The following POLR2C variants were observed in gnomAD, a reference collection of about 807,000 sequenced individuals.
POLR2C encodes DNA-directed RNA polymerase II subunit RPB3.
A neutral mutation model predicts 41.7 loss-of-function variants in POLR2C; 36 were observed. The ratio of observed to expected loss-of-function variants is 0.86; its 90% confidence interval spans 0.66 to 1.14. The LOEUF (loss-of-function observed/expected upper bound fraction) is 1.14. Among genes scored for constraint, POLR2C ranks in the 50% most tolerant of loss-of-function variants. The pLI is 0.00. For synonymous variants in POLR2C, 133 were observed against 137.8 expected (o/e 0.96, Z 0.25); for missense variants, 260 against 350.4 (o/e 0.74, Z 2.06).
At position 57,471,123 on chromosome 16, in the gene POLR2C, C is replaced by A; in HGVS notation, c.*4C>A. On this transcript the variant is annotated 3_prime_UTR_variant, in exon 9 of 9. Coordinates refer to ENST00000219252, the MANE Select transcript of POLR2C (RefSeq NM_032940.3). ...TGATGTGCTAACCATAAATTAACTG[C>A]AGCTTGCCTGCTTCAGCAAAAACGG... 6.2e-7 allele frequency: 1 copy of A among 1,613,044 alleles called. No homozygotes were observed.
Position 57,469,890 on chromosome 16 carries a change from G to A in POLR2C, c.440-71G>A, listed in dbSNP as rs1420721505. The A allele has an allele frequency of 6.3e-7, 1 of 1,591,894 alleles. No homozygotes were observed. The highest frequency in any genetic ancestry group is 2.2e-5 in the East Asian group (1 of 44,748). On this transcript the variant is annotated intron_variant, in intron 6 of 8. Coordinates refer to ENST00000219252, the MANE Select transcript of POLR2C (RefSeq NM_032940.3). This position sits in a 1 kb window ranked among gnomAD's most constrained non-coding sequence, Gnocchi z 5.8. ...TTCCAGATGTGTGTGGTCTTGCAGT[G>A]GCACTCCAAGTCAGAATTTGGAGAA...
At chr16:57,464,064 T>C (rs2030646323) in intron 2 of POLR2C, 1 of 160,330 alleles carries the variant, frequency 6.2e-6, no homozygotes, top group Non-Finnish European at 1.4e-5. Flanking sequence ...GGGCAAGTTA[T>C]TAAACTTCTG....
chr16:57,469,324 G>A lies in POLR2C; in HGVS notation c.387+31G>A. On this transcript the variant is annotated intron_variant, in intron 5 of 8. Transcript: ENST00000219252. The surrounding 1 kb of genome is among the most constrained non-coding windows in gnomAD (Gnocchi z 5.8). ...TGCGGGAGAGCATCCTCTTTTCCCT[G>A]GGATCTTTTCTCTTCTCTGGCTGGC... The A allele has an allele frequency of 6.2e-7, 1 of 1,611,694 alleles. No individual in the cohort carries two copies.
In POLR2C at chr16:57,469,704, C is replaced by A. The variant is rs202100883; in HGVS notation, c.388-6C>A. ...AGCTAATGAATGCCTGGTGGACTCC[C>A]TACAGGTGACATCCCGGAACCGAGA... On this transcript the variant is annotated splice_polypyrimidine_tract_variant and splice_region_variant and intron_variant, in intron 5 of 8. Transcript: ENST00000219252. The surrounding 1 kb of genome is among the most constrained non-coding windows in gnomAD (Gnocchi z 5.8). The A allele has an allele frequency of 2.0e-5, 32 of 1,611,044 alleles. No individual in the cohort carries two copies. The East Asian group carries it at 7.1e-4, about 36-fold the overall frequency.
chr16:57,470,903 G>A, intron 8 of POLR2C, 72 bp from the exon 9 acceptor site: 1 of 1,466,368 alleles, frequency 6.8e-7, no homozygotes, highest in Non-Finnish European at 9.5e-7. Flanking sequence ...GAAGGAGGAA[G>A]GGTTGTCCAT....
Position 57,471,146 on chromosome 16 carries a change from C to T in POLR2C, c.*27C>T, listed in dbSNP as rs765721557. On this transcript the variant is annotated 3_prime_UTR_variant, in exon 9 of 9. Coordinates refer to ENST00000219252, the MANE Select transcript of POLR2C (RefSeq NM_032940.3). ...TGCAGCTTGCCTGCTTCAGCAAAAA[C>T]GGAGATTCAGGCCAGCAGCTGGATA... is the stretch of plus-strand genomic sequence containing the variant. 1.6e-5 allele frequency: 26 copies of T among 1,607,502 alleles called. No homozygotes were observed. Among genetic ancestry groups the T allele is most frequent in the South Asian group, 5.5e-5 (5 of 90,918 alleles).
At chr16:57,465,309 A>AT (rs1196619726) in intron 2 of POLR2C, among the ~76,000 whole-genome samples, 3 of 152,094 alleles carry the variant, frequency 2.0e-5, no homozygotes, top group Admixed American at 2.0e-4. Flanking sequence ...GTGCCATTTG[A>AT]TTCCTGGATT....
At chr16:57,468,522 G>A (rs2030759131) in intron 4 of POLR2C, among the ~76,000 whole-genome samples, 1 of 152,168 alleles carries the variant, frequency 6.6e-6, no homozygotes, top group Non-Finnish European at 1.5e-5. Flanking sequence ...CTGTCTTCTT[G>A]CCTGAAGTGA....
intron 2 of POLR2C, chr16:57,463,358 A>G (rs2030627856): frequency 1.8e-6 from 1 of 567,550 alleles, no homozygotes; most frequent in Non-Finnish European, 3.1e-6. Flanking sequence ...TGTTTTCACT[A>G]CTATTGTTAC....
At chr16:57,464,658 C>T (rs1243508508) in intron 2 of POLR2C, among the ~76,000 whole-genome samples, 4 of 140,464 alleles carry the variant, frequency 2.8e-5, no homozygotes, top group Non-Finnish European at 6.2e-5. Context: ...CTACCACCAC[C>T]ACCCCACCCC....
At chr16:57,463,005 G>GCCC in intron 1 of POLR2C, 24 bp from the exon 2 acceptor site, 1 of 1,608,632 alleles carries the variant, frequency 6.2e-7, no homozygotes. Context: ...GCGCCTTCAC[G>GCCC]CCCCTTGGCT....
chr16:57,469,660 G>A lies in POLR2C; in HGVS notation c.388-50G>A, dbSNP rs1656439954. The A allele has an allele frequency of 2.0e-6, 3 of 1,468,576 alleles. No homozygotes were observed. The highest frequency in any genetic ancestry group is 1.4e-5 in the African/African-American group (1 of 72,088). 91.0% of individuals were successfully genotyped at this position (1,468,576 alleles called of 1,614,324 possible). On this transcript the variant is annotated intron_variant, in intron 5 of 8. Transcript: ENST00000219252. This position sits in a 1 kb window ranked among gnomAD's most constrained non-coding sequence, Gnocchi z 5.8. ...GTGCTGGGATATGGATGCCAGAGGA[G>A]GTGACTGGGGAGGTGAGCAGCTAAT...
Position 57,462,705 on chromosome 16 carries a change from G to A in POLR2C, c.-20G>A. On this transcript the variant is annotated 5_prime_UTR_variant, in exon 1 of 9. Coordinates refer to ENST00000219252, the MANE Select transcript of POLR2C (RefSeq NM_032940.3). ...CAGTCACCGCGGAGCAGACGCGGAGGCTGGTGGCCCCTGGGCGAGATGCCG... is the reference window on the plus strand; with the variant it reads ...CAGTCACCGCGGAGCAGACGCGGAGACTGGTGGCCCCTGGGCGAGATGCCG... 1.3e-6 allele frequency: 2 copies of A among 1,572,746 alleles called. No homozygotes were observed. Among genetic ancestry groups the A allele is most frequent in the Non-Finnish European group, 1.7e-6 (2 of 1,156,904 alleles).
chr16:57,467,530 C>G (rs1305668532), intron 4 of POLR2C, among the ~76,000 whole-genome samples: 4 of 152,210 alleles, frequency 2.6e-5, no homozygotes, highest in African/African-American at 9.6e-5. Flanking sequence ...GTCTCTCTCT[C>G]TCTCTGGCTT....
In POLR2C at chr16:57,469,685, T is replaced by G. The variant is rs1360452970; in HGVS notation, c.388-25T>G. On this transcript the variant is annotated intron_variant, in intron 5 of 8. Transcript: ENST00000219252. The surrounding 1 kb of genome is among the most constrained non-coding windows in gnomAD (Gnocchi z 5.8). Reference sequence around the variant, plus strand: ...GGTGACTGGGGAGGTGAGCAGCTAATGAATGCCTGGTGGACTCCCTACAGG... The same window carrying G: ...GGTGACTGGGGAGGTGAGCAGCTAAGGAATGCCTGGTGGACTCCCTACAGG... 2.5e-6 allele frequency: 4 copies of G among 1,603,612 alleles called. No homozygotes were observed. The highest frequency in any genetic ancestry group is 3.4e-6 in the Non-Finnish European group (4 of 1,172,278).
In POLR2C at chr16:57,466,103, C is replaced by A. The variant is rs1055264719; in HGVS notation, c.206-72C>A. 3.1e-5 allele frequency: 45 copies of A among 1,450,404 alleles called. No homozygotes were observed. The East Asian group carries it at 7.3e-4, about 23-fold the overall frequency. 89.8% of individuals were successfully genotyped at this position (1,450,404 alleles called of 1,614,324 possible). On this transcript the variant is annotated intron_variant, in intron 3 of 8. Transcript: ENST00000219252. ...GGGGGCCTCCTTCCAGCCTCACCCC[C>A]AGAAGGCTTCTGGGTTCTCATTTTG... is the stretch of plus-strand genomic sequence containing the variant.
In POLR2C at chr16:57,471,137, C is replaced by CA; in HGVS notation, c.*19dup. The CA allele has an allele frequency of 6.2e-7, 1 of 1,610,892 alleles. No homozygotes were observed. The highest frequency in any genetic ancestry group is 2.2e-5 in the East Asian group (1 of 44,842). On this transcript the variant is annotated 3_prime_UTR_variant, in exon 9 of 9. Transcript: ENST00000219252. ...TAAATTAACTGCAGCTTGCCTGCTT[C>CA]AGCAAAAACGGAGATTCAGGCCAGC...
In POLR2C at chr16:57,466,204, G is replaced by A. The variant is rs1244024580; in HGVS notation, c.235G>A (p.Val79Met). The stretch of plus-strand genomic sequence containing the variant: ...AATTCCCCTCATTAGTGATGACATT[G>A]TGGACAAGCTGCAGTACTCTCGGGT... ...GLIPLISDDI[V>M]DKLQYSRDCT... Residue 79 changes from valine to methionine, a missense_variant, in exon 4 of 9, where the codon GTG becomes ATG. Transcript: ENST00000219252. 1.2e-6 allele frequency: 2 copies of A among 1,600,466 alleles called. No individual in the cohort carries two copies. Among genetic ancestry groups the A allele is most frequent in the East Asian group, 2.2e-5 (1 of 44,814 alleles).
At chr16:57,462,911 G>T (rs1412649358) in intron 1 of POLR2C, 101 bp downstream of exon 1, 1 of 1,196,878 alleles carries the variant, frequency 8.4e-7, no homozygotes, top group African/African-American at 1.5e-5. Context: ...TGGGGTGGGG[G>T]CGATGTCCTT....
Sources: gnomAD v4.1 joint callset for allele counts (sites outside exome capture counted in the v4.1 genomes callset) on GRCh38, gnomAD v4.1.1 for gene constraint, Gnocchi (gnomAD v3.1) non-coding constraint, MANE v1.5 for transcripts, NCBI Gene and HGNC (gene_info 2026-07-23, HGNC 2026-07-21) for gene names.